NTNG1: variants seen among roughly 807,000 people sequenced by gnomAD.
NTNG1 encodes netrin G1.
NTNG1 carries 16 observed loss-of-function variants against 54.0 expected under a neutral mutation model. The ratio of observed to expected loss-of-function variants is 0.30; its 90% CI spans 0.20 to 0.45. The LOEUF (loss-of-function observed/expected upper bound fraction) is 0.45, where lower values mean the gene tolerates loss of function less well. Among genes scored for constraint, NTNG1 ranks in the 20% least tolerant of loss-of-function variants. The probability of loss-of-function intolerance (pLI) is 1.00; values close to 1 mark genes in which losing one functional copy is unlikely to be tolerated. For synonymous variants in NTNG1, 255 were observed against 263.1 expected (o/e 0.97, Z 0.30); for missense variants, 530 against 678.7 (o/e 0.78, Z 2.43).
intron 3 of NTNG1, among the ~76,000 whole-genome samples, chr1:107,379,142 C>T (rs1458738802): frequency 1.3e-5 from 2 of 152,146 alleles, no homozygotes; most frequent in Non-Finnish European, 2.9e-5. Flanking sequence ...TCCAGTCCTG[C>T]AGGAGAGGCA....
At chr1:107,431,187 G>T (rs1675241947) in intron 6 of NTNG1, among the ~76,000 whole-genome samples, 1 of 151,840 alleles carries the variant, frequency 6.6e-6, no homozygotes, top group Non-Finnish European at 1.5e-5. Context: ...CTTTCTTCCC[G>T]TTTTTTGCTT....
At chr1:107,214,154 A>G (rs542781682) in intron 2 of NTNG1, among the ~76,000 whole-genome samples, 1 of 152,152 alleles carries the variant, frequency 6.6e-6, no homozygotes, top group East Asian at 1.9e-4. Flanking sequence ...TTTTTGGTAA[A>G]CAGGTGATGT....
At chr1:107,245,767 CACCCA>C (rs1407237716) in intron 2 of NTNG1, among the ~76,000 whole-genome samples, 1 of 152,170 alleles carries the variant, frequency 6.6e-6, no homozygotes, top group African/African-American at 2.4e-5. Context: ...TGCGTATTAT[CACCCA>C]TGCGCTTTTT....
chr1:107,235,690 T>G (rs1302284906), intron 2 of NTNG1, among the ~76,000 whole-genome samples: 1 of 152,164 alleles, frequency 6.6e-6, no homozygotes, highest in Non-Finnish European at 1.5e-5. Context: ...GAAAGTATAC[T>G]CCTTCCACTT....
At chr1:107,441,582 C>G (rs1675968955) in intron 7 of NTNG1, among the ~76,000 whole-genome samples, 1 of 152,054 alleles carries the variant, frequency 6.6e-6, no homozygotes, top group African/African-American at 2.4e-5. Context: ...TTTAAGGAAC[C>G]ATGTGAATAG....
At chr1:107,200,942 G>A (rs1287545510) in intron 2 of NTNG1, among the ~76,000 whole-genome samples, 1 of 151,666 alleles carries the variant, frequency 6.6e-6, no homozygotes, top group Admixed American at 6.6e-5. Flanking sequence ...CCCTTGAATT[G>A]TGTTTGCTTC....
At chr1:107,404,158 T>C (rs541741508) in intron 4 of NTNG1, among the ~76,000 whole-genome samples, 17 of 151,662 alleles carry the variant, frequency 1.1e-4, no homozygotes, top group African/African-American at 3.9e-4. Flanking sequence ...CACAGAATTG[T>C]ACACATTTTA....
At chr1:107,182,030 A>G (rs1478651843) in intron 2 of NTNG1, among the ~76,000 whole-genome samples, 1 of 152,028 alleles carries the variant, frequency 6.6e-6, no homozygotes, top group Non-Finnish European at 1.5e-5. Context: ...ACCATTTGCA[A>G]TTTCTCTTTA....
intron 7 of NTNG1, among the ~76,000 whole-genome samples, chr1:107,475,998 C>A (rs1363049937): frequency 6.6e-6 from 1 of 152,184 alleles, no homozygotes; most frequent in Non-Finnish European, 1.5e-5. Context: ...CAAAATTTTT[C>A]AATCCTTTTT....
At chr1:107,386,942 T>A (rs1305240652) in intron 3 of NTNG1, among the ~76,000 whole-genome samples, 1 of 152,244 alleles carries the variant, frequency 6.6e-6, no homozygotes, top group East Asian at 1.9e-4. Context: ...ATTACAGCCA[T>A]CCTAGTGTGA....
intron 2 of NTNG1, among the ~76,000 whole-genome samples, chr1:107,304,539 C>G (rs1044308867): frequency 2.0e-5 from 3 of 152,104 alleles, no homozygotes; most frequent in Non-Finnish European, 2.9e-5. Context: ...CTATAAAAAA[C>G]ATATTACTAC....
chr1:107,213,405 C>G (rs1237647182), intron 2 of NTNG1, among the ~76,000 whole-genome samples: 1 of 152,128 alleles, frequency 6.6e-6, no homozygotes, highest in East Asian at 1.9e-4. Context: ...GCTTCTGTAT[C>G]CAGCATTACA....
intron 2 of NTNG1, among the ~76,000 whole-genome samples, chr1:107,287,670 TTGAA>T (rs1285532404): frequency 6.6e-6 from 1 of 152,070 alleles, no homozygotes; most frequent in Non-Finnish European, 1.5e-5. Flanking sequence ...TTTGAAGACT[TTGAA>T]TGTGAAGATA....
rs1306892589 is a variant in NTNG1, at chr1:107,274,173, AG to A, written c.247-50104del. On this transcript the variant is annotated intron_variant, in intron 2 of 7. Transcript: ENST00000370068. ...AGGGAGTAACTTTCACAAGTCCCCA[AG>A]GGGGTAGCACTGGGATTCTAACCCA... Among the ~76,000 whole-genome samples the A allele has an allele frequency of 6.6e-5, 10 of 152,324 alleles. No homozygotes were observed. In the South Asian group the frequency reaches 1.0e-3, roughly 16 times the overall value.
chr1:107,418,013 T>A (rs1674331270), intron 5 of NTNG1, among the ~76,000 whole-genome samples: 1 of 152,072 alleles, frequency 6.6e-6, no homozygotes, highest in African/African-American at 2.4e-5. Flanking sequence ...ACTGGAAGCA[T>A]CTTGGACTTT....
intron 3 of NTNG1, among the ~76,000 whole-genome samples, chr1:107,371,060 A>G (rs1417556785): frequency 6.6e-6 from 1 of 152,120 alleles, no homozygotes; most frequent in Non-Finnish European, 1.5e-5. Flanking sequence ...TACATTAAAA[A>G]GAAAGCATTC....
At chr1:107,228,855 A>G (rs1660864885) in intron 2 of NTNG1, among the ~76,000 whole-genome samples, 1 of 152,192 alleles carries the variant, frequency 6.6e-6, no homozygotes, top group Non-Finnish European at 1.5e-5. Flanking sequence ...AAGTGAACAT[A>G]AATGGCAAGA....
intron 3 of NTNG1, among the ~76,000 whole-genome samples, chr1:107,373,564 G>A (rs1570793152): frequency 7.4e-6 from 1 of 135,450 alleles, no homozygotes; most frequent in South Asian, 2.3e-4. Flanking sequence ...AATTCCGTAT[G>A]TTATCCTTTT....
intron 2 of NTNG1, among the ~76,000 whole-genome samples, chr1:107,296,736 T>G (rs1428973504): frequency 6.7e-6 from 1 of 148,154 alleles, no homozygotes; most frequent in African/African-American, 2.4e-5. Flanking sequence ...ATATATAATA[T>G]TCCAATTATA....
Sources: gnomAD v4.1 joint callset for allele counts (sites outside exome capture counted in the v4.1 genomes callset) on GRCh38, gnomAD v4.1.1 for gene constraint, MANE v1.5 for transcripts, NCBI Gene and HGNC (gene_info 2026-07-23, HGNC 2026-07-21) for gene names.